Variants in ETFA observed in about 807,000 individuals in gnomAD.
ETFA encodes the protein electron transfer flavoprotein subunit alpha.
In ETFA, 22 loss-of-function variants were observed where a neutral mutation model predicts 46.2. That is an observed-to-expected ratio of 0.48 (90% CI 0.34 to 0.68). The LOEUF is 0.68. ETFA is among the 30% of genes least tolerant of loss of function. The pLI, the probability that ETFA is intolerant of heterozygous loss-of-function variation, is 0.01. For synonymous variants in ETFA, 131 were observed against 139.9 expected, an observed-to-expected ratio of 0.94 and a Z score of 0.45; for missense variants, 345 against 401.1, an observed-to-expected ratio of 0.86 and a Z score of 1.19.
rs369877537 is a variant in ETFA, at chr15:76,225,374, C to T, written c.963+475G>A. 1.8e-4 allele frequency among the ~76,000 whole-genome samples: 28 copies of T among 152,230 alleles called. No individual in the cohort carries two copies. The East Asian group carries it at 2.3e-3, about 13-fold the overall frequency. The stretch of plus-strand genomic sequence containing the variant: ...CACGATCTCTGCTCACTGCAAGCTC[C>T]GCCTCCTGGGTTCACACTATTCTCC... On this transcript the variant is annotated intron_variant, in intron 11 of 11. Coordinates refer to ENST00000557943, the MANE Select transcript of ETFA (RefSeq NM_000126.4).
chr15:76,243,556 G>T (rs2039213032), intron 9 of ETFA, among the ~76,000 whole-genome samples: 1 of 139,676 alleles, frequency 7.2e-6, no homozygotes, highest in Non-Finnish European at 1.6e-5. Flanking sequence ...CTAGCACTTT[G>T]GGAGGCCGAG....
intron 9 of ETFA, among the ~76,000 whole-genome samples, chr15:76,267,825 G>A (rs1305123286): frequency 6.6e-6 from 1 of 152,090 alleles, no homozygotes; most frequent in Non-Finnish European, 1.5e-5. Flanking sequence ...TATGATGGAG[G>A]GATGCACATA....
intron 9 of ETFA, among the ~76,000 whole-genome samples, chr15:76,273,052 A>G: frequency 6.6e-6 from 1 of 152,088 alleles, no homozygotes; most frequent in South Asian, 2.1e-4. Context: ...CGTATTAAGC[A>G]TAAGAAGAAA....
At chr15:76,255,793 G>A (rs1440393619) in intron 9 of ETFA, among the ~76,000 whole-genome samples, 1 of 152,144 alleles carries the variant, frequency 6.6e-6, no homozygotes, top group Non-Finnish European at 1.5e-5. Flanking sequence ...AAACCAAATT[G>A]ACATTTGCAC....
intron 11 of ETFA, among the ~76,000 whole-genome samples, 191 bp from the exon 12 acceptor site, chr15:76,216,788 G>C (rs1245292378): frequency 6.7e-6 from 1 of 149,488 alleles, no homozygotes; most frequent in Non-Finnish European, 1.5e-5. Flanking sequence ...GACTACCCAG[G>C]ACCCAGGGCT....
intron 11 of ETFA, among the ~76,000 whole-genome samples, chr15:76,223,088 G>A (rs892220966): frequency 2.6e-5 from 4 of 151,942 alleles, no homozygotes; most frequent in Non-Finnish European, 5.9e-5. Context: ...GCCTTTCCTC[G>A]GCCTTCCAAA....
At chr15:76,301,050 C>T (rs919224506) in intron 1 of ETFA, among the ~76,000 whole-genome samples, 3 of 152,146 alleles carry the variant, frequency 2.0e-5, no homozygotes, top group African/African-American at 7.2e-5. Context: ...AGTTCTCTGA[C>T]TGTAAAATGG....
chr15:76,243,114 G>T (rs2039208108), intron 9 of ETFA, among the ~76,000 whole-genome samples: 1 of 152,068 alleles, frequency 6.6e-6, no homozygotes, highest in Non-Finnish European at 1.5e-5. Flanking sequence ...CTGTCAACAT[G>T]GTGAAACACT....
chr15:76,306,457 G>A (rs2039941710), intron 1 of ETFA, among the ~76,000 whole-genome samples: 1 of 151,592 alleles, frequency 6.6e-6, no homozygotes, highest in Non-Finnish European at 1.5e-5. Flanking sequence ...AGTAGAGACG[G>A]GTTTCACCAT....
At chr15:76,289,469 T>C (rs2039736817) in intron 4 of ETFA, among the ~76,000 whole-genome samples, 1 of 152,224 alleles carries the variant, frequency 6.6e-6, no homozygotes, top group Non-Finnish European at 1.5e-5. Flanking sequence ...ATTTTCATTA[T>C]CCCTTGTTTA....
Position 76,308,233 on chromosome 15 carries a change from C to G in ETFA, c.39+3117G>C, listed in dbSNP as rs1184513971. On this transcript the variant is annotated intron_variant, in intron 1 of 11. Transcript: ENST00000557943. ...ATTTTGCATCATAGTAATCATTTCT[C>G]AGGCAAAAATCATCAACAGATGCTA... is the stretch of plus-strand genomic sequence containing the variant. Among the ~76,000 whole-genome samples the G allele has an allele frequency of 2.0e-5, 3 of 152,138 alleles. No individual in the cohort carries two copies. In the East Asian group the frequency reaches 5.8e-4, roughly 29 times the overall value.
intron 11 of ETFA, among the ~76,000 whole-genome samples, chr15:76,218,987 A>C (rs2038927900): frequency 6.6e-6 from 1 of 152,188 alleles, no homozygotes; most frequent in Non-Finnish European, 1.5e-5. Context: ...GGAGAAGAGA[A>C]TAGCATTAAA....
At chr15:76,259,186 C>T in intron 9 of ETFA, 1 of 1,522,540 alleles carries the variant, frequency 6.6e-7, no homozygotes, top group Non-Finnish European at 9.1e-7. Context: ...TAGGGCTGAT[C>T]CCCGCTAGGC....
At chr15:76,311,030 C>T (rs908802530) in intron 1 of ETFA, among the ~76,000 whole-genome samples, 5 of 152,206 alleles carry the variant, frequency 3.3e-5, no homozygotes, top group African/African-American at 1.2e-4. Flanking sequence ...GACCTGGCGG[C>T]CCGAAAGTGC....
chr15:76,263,719 AT>A (rs745759423), intron 9 of ETFA, among the ~76,000 whole-genome samples: 1 of 152,224 alleles, frequency 6.6e-6, no homozygotes, highest in Non-Finnish European at 1.5e-5. Context: ...GTGGGCACTA[AT>A]AAAGGTAGCT....
At chr15:76,259,554 G>T (rs2039381439) in intron 9 of ETFA, 24 of 1,043,222 alleles carry the variant, frequency 2.3e-5, no homozygotes, top group Non-Finnish European at 3.6e-5. Context: ...CTCCCACATG[G>T]TCACCCCGAA....
intron 11 of ETFA, among the ~76,000 whole-genome samples, chr15:76,220,287 C>T (rs186879526): frequency 1.3e-5 from 2 of 152,296 alleles, no homozygotes; most frequent in Admixed American, 6.5e-5. Context: ...AGGCTGGTCT[C>T]GAACTCGTGA....
chr15:76,227,796 A>G (rs1596189293), intron 10 of ETFA: 1 of 456,090 alleles, frequency 2.2e-6, no homozygotes, highest in South Asian at 1.5e-5. Flanking sequence ...TACAGGCTAC[A>G]GGATATCCAA....
intron 1 of ETFA, among the ~76,000 whole-genome samples, chr15:76,296,459 TACTCCTAC>T (rs2039824289): frequency 6.6e-6 from 1 of 152,202 alleles, no homozygotes; most frequent in South Asian, 2.1e-4. Context: ...TTACATACTG[TACTCCTAC>T]AGTATAGGAG....
Sources: allele counts gnomAD v4.1 joint callset (sites outside exome capture counted in the v4.1 genomes callset), GRCh38; gene constraint gnomAD v4.1.1; transcripts MANE v1.5; gene names NCBI Gene and HGNC (gene_info 2026-07-23, HGNC 2026-07-21).